Variants in NVL observed in about 807,000 individuals in gnomAD.
NVL encodes the protein nuclear VCP like.
NVL carries 84 observed loss-of-function variants against 110.2 expected under a neutral mutation model. The ratio of observed to expected loss-of-function variants is 0.76; its 90% CI spans 0.64 to 0.91. The LOEUF (loss-of-function observed/expected upper bound fraction) is 0.91, where lower values mean the gene tolerates loss of function less well. NVL is among the 40% of genes least tolerant of loss of function. NVL has a pLI of 0.00. For missense variants in NVL, 882 were observed against 1,035.9 expected (o/e 0.85, Z 2.04); for synonymous variants, 354 against 361.1 (o/e 0.98, Z 0.22).
At chr1:224,287,345 G>A (rs148905755) in intron 14 of NVL, among the ~76,000 whole-genome samples, 16 of 152,110 alleles carry the variant, frequency 1.1e-4, no homozygotes, top group Admixed American at 3.9e-4. Context: ...AATAAGTTCT[G>A]GTATTTGATA....
At chr1:224,247,570 G>A (rs960640720) in intron 19 of NVL, among the ~76,000 whole-genome samples, 1 of 152,066 alleles carries the variant, frequency 6.6e-6, no homozygotes, top group Non-Finnish European at 1.5e-5. Context: ...TCAGGAGGTT[G>A]AGGCAGGAGA....
intron 15 of NVL, among the ~76,000 whole-genome samples, chr1:224,284,795 G>A (rs1666699211): frequency 6.6e-6 from 1 of 152,124 alleles, no homozygotes; most frequent in Admixed American, 6.6e-5. Context: ...TAAGGTGTGG[G>A]AAAATTGATT....
In NVL at chr1:224,253,682, G is replaced by A. The variant is rs555616757; in HGVS notation, c.2183-3364C>T. ...CAGGAGGCGGAGGTTGCAGTGAGCC[G>A]AGATCAGGCCACTGCACTCCAGCCT... is the stretch of plus-strand genomic sequence containing the variant. On this transcript the variant is annotated intron_variant, in intron 18 of 22. Transcript: ENST00000281701. Among the ~76,000 whole-genome samples, 9 of 144,428 alleles carry A rather than the reference G, an allele frequency of 6.2e-5. No homozygotes were observed. The South Asian group carries it at 1.1e-3, about 18-fold the overall frequency. 94.8% of individuals were successfully genotyped at this position (144,428 alleles called of 152,430 possible). A position where few individuals can be genotyped will look rare whatever the true frequency, so the allele number is the denominator to read the frequency against.
At chr1:224,250,433 C>T (rs1016290197) in intron 18 of NVL, 115 bp from the exon 19 acceptor site, 2 of 884,026 alleles carry the variant, frequency 2.3e-6, no homozygotes, top group Admixed American at 3.7e-5. Flanking sequence ...GGCATGATCT[C>T]AGCTCACTGC....
chr1:224,241,856 CA>C (rs34996211), intron 19 of NVL, among the ~76,000 whole-genome samples: 17 of 132,756 alleles, frequency 1.3e-4, no homozygotes, highest in East Asian at 2.2e-4. Flanking sequence ...GACCTCGTCT[CA>C]AAAAAAAAAA....
At chr1:224,327,081 C>T (rs1056932457) in intron 1 of NVL, among the ~76,000 whole-genome samples, 2 of 152,130 alleles carry the variant, frequency 1.3e-5, no homozygotes, top group Non-Finnish European at 2.9e-5. Flanking sequence ...TTAGAGGTTG[C>T]AGTGAGCTAT....
rs372850367 is a variant in NVL at position 224,294,256 on chromosome 1, T to C, written c.1325+11A>G. ...TTAGTGGCATACAAACTTCATTCTA[T>C]AAGAATATACCTTTCCCTGGATGCT... On this transcript the variant is annotated intron_variant, in intron 12 of 22. Coordinates refer to ENST00000281701, the MANE Select transcript of NVL (RefSeq NM_002533.4). The C allele has an allele frequency of 4.4e-5, 71 of 1,613,730 alleles. No homozygotes were observed. The highest frequency in any genetic ancestry group is 2.3e-4 in the Admixed American group (14 of 60,008).
intron 16 of NVL, among the ~76,000 whole-genome samples, chr1:224,276,858 T>C (rs1178900818): frequency 3.3e-5 from 5 of 152,138 alleles, no homozygotes; most frequent in Non-Finnish European, 5.9e-5. Flanking sequence ...TCAAAAATGG[T>C]TAAATATCAG....
At chr1:224,273,340 G>C (rs1197230361) in intron 17 of NVL, among the ~76,000 whole-genome samples, 1 of 151,738 alleles carries the variant, frequency 6.6e-6, no homozygotes, top group Non-Finnish European at 1.5e-5. Flanking sequence ...TTGAACCTGG[G>C]AGGCAGAGGT....
intron 10 of NVL, among the ~76,000 whole-genome samples, chr1:224,299,447 C>T (rs1268745429): frequency 6.6e-6 from 1 of 152,100 alleles, no homozygotes; most frequent in Admixed American, 6.5e-5. Context: ...TTCTCATTAG[C>T]GAAGAGGGGA....
intron 10 of NVL, among the ~76,000 whole-genome samples, chr1:224,297,036 G>C (rs866515405): frequency 5.9e-5 from 9 of 151,984 alleles, no homozygotes; most frequent in South Asian, 2.1e-4. Flanking sequence ...CGTTATGAGG[G>C]TTTCTACTAA....
chr1:224,316,630 T>C (rs1572054034), intron 4 of NVL, among the ~76,000 whole-genome samples: 1 of 133,540 alleles, frequency 7.5e-6, no homozygotes, highest in East Asian at 2.2e-4. Flanking sequence ...GTGATCGCAC[T>C]CCAGCCTGGG....
intron 18 of NVL, among the ~76,000 whole-genome samples, chr1:224,255,344 C>G (rs1411058648): frequency 1.3e-5 from 2 of 151,818 alleles, no homozygotes; most frequent in Non-Finnish European, 2.9e-5. Flanking sequence ...GTGCCCACCA[C>G]CATGCTCAGC....
At chr1:224,258,829 A>C (rs1482327557) in intron 18 of NVL, among the ~76,000 whole-genome samples, 1 of 152,050 alleles carries the variant, frequency 6.6e-6, no homozygotes, top group African/African-American at 2.4e-5. Flanking sequence ...AAATATCCAG[A>C]ATAGACAAAT....
In NVL at chr1:224,289,523, C is replaced by G. The variant is rs967997824; in HGVS notation, c.1536G>C (p.Gln512His). 6.2e-7 allele frequency: 1 copy of G among 1,614,234 alleles called. No individual in the cohort carries two copies. The highest frequency in any genetic ancestry group is 1.3e-5 in the African/African-American group (1 of 75,058). ...TGGGCTCAGTTCCCAGCCTTTCCTC[C>G]TGGACTCCTTTAGATGGCAAATCTT... ...EMEDLPSKGV[Q>H]EERLGTEPTS... The change falls in exon 13 of 23, where the codon CAG becomes CAC. Residue 512 changes from glutamine (Q) to histidine (H), a missense_variant. By Grantham distance (24) the Gln-to-His change is conservative. Transcript: ENST00000281701.
chr1:224,330,140 C>T lies in NVL; in HGVS notation c.-13G>A, dbSNP rs2896990. 1,494,998 of 1,613,644 alleles carry T rather than the reference C, an allele frequency of 0.93. 696,981 individuals carry two copies. The highest frequency in any genetic ancestry group is 0.95 in the Admixed American group (56,993 of 60,004). On this transcript the variant is annotated 5_prime_UTR_variant, in exon 1 of 23. Coordinates refer to ENST00000281701, the MANE Select transcript of NVL (RefSeq NM_002533.4). ...GTCTGGGCTTCATCGCGTCGGTCTT[C>T]CAAGCCACAGCTCGGACCGCCAGCT...
At chr1:224,302,072 G>A (rs1029444067) in intron 9 of NVL, among the ~76,000 whole-genome samples, 2 of 152,084 alleles carry the variant, frequency 1.3e-5, no homozygotes, top group African/African-American at 4.8e-5. Context: ...CCAAAGTCTG[G>A]CATGCAGTAG....
At position 224,268,152 on chromosome 1, in the gene NVL, G is replaced by T; in HGVS notation, c.2083-19C>A. 6.4e-7 allele frequency: 1 copy of T among 1,551,694 alleles called. No homozygotes were observed. The highest frequency in any genetic ancestry group is 8.9e-7 in the Non-Finnish European group (1 of 1,127,162). ...CCCCTGTCTAAAAAGACATAAATCT[G>T]GTTCCATCAGCTCTCAATACAAAGG... On this transcript the variant is annotated intron_variant, in intron 17 of 22. Transcript: ENST00000281701.
At chr1:224,253,766 T>C (rs1028440032) in intron 18 of NVL, among the ~76,000 whole-genome samples, 40 of 147,770 alleles carry the variant, frequency 2.7e-4, no homozygotes, top group African/African-American at 6.7e-4. Flanking sequence ...AAAAAAGAAA[T>C]TGCCAAACTG....
Sources: gnomAD v4.1 joint callset for allele counts (sites outside exome capture counted in the v4.1 genomes callset) on GRCh38, gnomAD v4.1.1 for gene constraint, MANE v1.5 for transcripts, NCBI Gene and HGNC (gene_info 2026-07-23, HGNC 2026-07-21) for gene names.